The following ANGPTL2 variants were observed in gnomAD, a reference collection of about 807,000 sequenced individuals.
ANGPTL2 encodes angiopoietin-related protein 2.
Under a neutral mutation model 52.8 loss-of-function variants are expected in ANGPTL2, and 25 were observed. The observed-to-expected ratio is 0.47, with a 90% CI of 0.35 to 0.66. The LOEUF is 0.66. Among genes scored for constraint, ANGPTL2 ranks in the 30% least tolerant of loss-of-function variants. The probability of loss-of-function intolerance (pLI) is 0.01; values close to 1 mark genes in which losing one functional copy is unlikely to be tolerated. For synonymous variants in ANGPTL2, 276 were observed against 277.4 expected, an observed-to-expected ratio of 1.00 and a Z score of 0.05; for missense variants, 546 against 656.9, an observed-to-expected ratio of 0.83 and a Z score of 1.84.
In ANGPTL2 at chr9:127,122,215, A is replaced by G. The variant is rs1359445547; in HGVS notation, c.-50+100T>C. Reference sequence around the variant, plus strand: ...GTGACCCTCTGAGATCCAGCAGCACACACCCCCAGCTGGAGGGTCAGGGTT... The same window carrying G: ...GTGACCCTCTGAGATCCAGCAGCACGCACCCCCAGCTGGAGGGTCAGGGTT... On this transcript the variant is annotated intron_variant, in intron 1 of 4. Coordinates refer to ENST00000373425, the MANE Select transcript of ANGPTL2 (RefSeq NM_012098.3). The surrounding 1 kb of genome is among the most constrained non-coding windows in gnomAD (Gnocchi z 6.4). 1.3e-5 allele frequency: 2 copies of G among 152,192 alleles called. No homozygotes were observed. The highest frequency in any genetic ancestry group is 2.9e-5 in the Non-Finnish European group (2 of 68,114). 9.4% of individuals were successfully genotyped at this position (152,192 alleles called of 1,614,324 possible).
In ANGPTL2 at chr9:127,122,015, C is replaced by T. The variant is rs1316425080; in HGVS notation, c.-50+300G>A. On this transcript the variant is annotated intron_variant, in intron 1 of 4. Coordinates refer to ENST00000373425, the MANE Select transcript of ANGPTL2 (RefSeq NM_012098.3). The surrounding 1 kb of genome is among the most constrained non-coding windows in gnomAD (Gnocchi z 6.4). ...ACACGCACACTCCCAGCTGCTCTGC[C>T]GTGCCGGGAGCTGCCGGCCGGCACC... Among the ~76,000 whole-genome samples, 5 of 152,212 alleles carry T rather than the reference C, an allele frequency of 3.3e-5. No individual in the cohort carries two copies. The highest frequency in any genetic ancestry group is 9.6e-5 in the African/African-American group (4 of 41,460).
chr9:127,103,984 C>G (rs2053983732), intron 2 of ANGPTL2, among the ~76,000 whole-genome samples: 1 of 152,172 alleles, frequency 6.6e-6, no homozygotes, highest in Non-Finnish European at 1.5e-5. Flanking sequence ...GTTACTTGAC[C>G]TCTATGAACC....
At chr9:127,089,348 G>C (rs1484258611) in intron 4 of ANGPTL2, among the ~76,000 whole-genome samples, 15 of 152,194 alleles carry the variant, frequency 9.9e-5, no homozygotes, top group Non-Finnish European at 4.4e-5. Context: ...TGTGATCTCA[G>C]ACAAGTGACT....
chr9:127,093,998 G>A, intron 2 of ANGPTL2, 72 bp from the exon 3 acceptor site: 5 of 1,539,066 alleles, frequency 3.2e-6, no homozygotes, highest in Non-Finnish European at 4.4e-6. Flanking sequence ...TGCACCCCAA[G>A]CAGGCACAAC....
At chr9:127,096,086 C>G (rs1470610271) in intron 2 of ANGPTL2, among the ~76,000 whole-genome samples, 1 of 152,210 alleles carries the variant, frequency 6.6e-6, no homozygotes, top group African/African-American at 2.4e-5. Context: ...GCTCCCCACC[C>G]CAGGGTAGCA....
chr9:127,109,565 C>T (rs939390371), intron 1 of ANGPTL2, among the ~76,000 whole-genome samples: 24 of 152,230 alleles, frequency 1.6e-4, no homozygotes, highest in African/African-American at 5.5e-4. Flanking sequence ...GTCCTGACCA[C>T]TGCAACGTGA....
At chr9:127,097,463 T>G (rs1330771553) in intron 2 of ANGPTL2, among the ~76,000 whole-genome samples, 1 of 152,246 alleles carries the variant, frequency 6.6e-6, no homozygotes, top group East Asian at 1.9e-4. Flanking sequence ...ACAATTTCCC[T>G]TAGAACCCTT....
chr9:127,103,382 C>T (rs1282596057), intron 2 of ANGPTL2, among the ~76,000 whole-genome samples: 3 of 152,180 alleles, frequency 2.0e-5, no homozygotes, highest in African/African-American at 7.2e-5. Context: ...GGGACCTCCT[C>T]ATGTGGTCCC....
At chr9:127,095,173 C>T (rs2052972297) in intron 2 of ANGPTL2, among the ~76,000 whole-genome samples, 1 of 152,166 alleles carries the variant, frequency 6.6e-6, no homozygotes, top group African/African-American at 2.4e-5. Flanking sequence ...CTGAGGCAGG[C>T]AGATCACAAA....
At chr9:127,093,202 C>T (rs557550652) in intron 3 of ANGPTL2, among the ~76,000 whole-genome samples, 1 of 152,244 alleles carries the variant, frequency 6.6e-6, no homozygotes, top group South Asian at 2.1e-4. Flanking sequence ...GGCAACTTTC[C>T]CTGCTACACA....
chr9:127,117,060 T>A (rs1308473993), intron 1 of ANGPTL2, among the ~76,000 whole-genome samples: 1 of 152,222 alleles, frequency 6.6e-6, no homozygotes, highest in Non-Finnish European at 1.5e-5. Flanking sequence ...GCGTCCTGCT[T>A]AAAAACAGAC....
Position 127,091,608 on chromosome 9 carries a change from C to A in ANGPTL2, c.1282+62G>T. The A allele has an allele frequency of 6.4e-7, 1 of 1,566,302 alleles. No individual in the cohort carries two copies. ...CGTTTCCAAGCCCTGGAGTCAGGGGCTCTGGCTCTGGTTGACCTCTTTTCC... is the reference window on the plus strand; with the variant it reads ...CGTTTCCAAGCCCTGGAGTCAGGGGATCTGGCTCTGGTTGACCTCTTTTCC... On this transcript the variant is annotated intron_variant, in intron 4 of 4. Coordinates refer to ENST00000373425, the MANE Select transcript of ANGPTL2 (RefSeq NM_012098.3). This position sits in a 1 kb window ranked among gnomAD's most constrained non-coding sequence, Gnocchi z 4.3.
At chr9:127,116,331 T>C (rs1272212773) in intron 1 of ANGPTL2, among the ~76,000 whole-genome samples, 1 of 150,340 alleles carries the variant, frequency 6.7e-6, no homozygotes, top group Non-Finnish European at 1.5e-5. Context: ...GAGGGGGATG[T>C]GGTTAGGGAG....
rs147237909 is a variant in ANGPTL2, at chr9:127,093,822, C to T, written c.922G>A (p.Asp308Asn). 3.9e-4 allele frequency: 637 copies of T among 1,614,058 alleles called. No individual in the cohort carries two copies. The highest frequency in any genetic ancestry group is 4.9e-4 in the Non-Finnish European group (584 of 1,180,008). ...NTNRLMQVWC[D>N]QRHDPGGWTV... Reference sequence around the variant, plus strand: ...CAGCCCCCGGGGTCGTGTCTCTGGTCGCACCACACCTGCATGAGGCGGTTG... The same window carrying T: ...CAGCCCCCGGGGTCGTGTCTCTGGTTGCACCACACCTGCATGAGGCGGTTG... The change falls in exon 3 of 5, where the codon GAC (aspartate) becomes AAC (asparagine). Residue 308 changes from aspartate to asparagine, a missense_variant. Asp to Asn is a conservative substitution (Grantham distance 23, BLOSUM62 1). This residue lies in a region of ANGPTL2 where 261 missense variants were observed against 361.0 expected (regional missense o/e 0.72). Transcript: ENST00000373425.
At chr9:127,094,386 G>T (rs566953616) in intron 2 of ANGPTL2, among the ~76,000 whole-genome samples, 1 of 150,332 alleles carries the variant, frequency 6.7e-6, no homozygotes, top group Non-Finnish European at 1.5e-5. Flanking sequence ...TGATGGCTTT[G>T]CTTCTGCAAG....
At chr9:127,109,026 A>G (rs1003831701) in intron 1 of ANGPTL2, among the ~76,000 whole-genome samples, 1 of 152,192 alleles carries the variant, frequency 6.6e-6, no homozygotes, top group African/African-American at 2.4e-5. Context: ...GCAGGAGGCC[A>G]TGGCCCTGCT....
At chr9:127,106,692 C>T (rs923506071) in intron 2 of ANGPTL2, among the ~76,000 whole-genome samples, 3 of 152,194 alleles carry the variant, frequency 2.0e-5, no homozygotes, top group African/African-American at 7.2e-5. Context: ...GCAGTGGATG[C>T]TCACTTTGCA....
chr9:127,091,999 T>G lies in ANGPTL2; in HGVS notation c.1012-59A>C. 1.3e-6 allele frequency: 2 copies of G among 1,583,944 alleles called. No individual in the cohort carries two copies. The highest frequency in any genetic ancestry group is 3.4e-5 in the Admixed American group (2 of 58,300). ...CCTGCAGCACCTGCAGCCAGCAGGC[T>G]TGGCTGTCAGACACTCAGCCCTGGA... On this transcript the variant is annotated intron_variant, in intron 3 of 4. Coordinates refer to ENST00000373425, the MANE Select transcript of ANGPTL2 (RefSeq NM_012098.3). The surrounding 1 kb of genome is among the most constrained non-coding windows in gnomAD (Gnocchi z 4.3).
chr9:127,089,154 C>T lies in ANGPTL2; in HGVS notation c.1283-16G>A, dbSNP rs1250305716. 1.2e-5 allele frequency: 20 copies of T among 1,613,638 alleles called. No individual in the cohort carries two copies. Among genetic ancestry groups the T allele is most frequent in the Non-Finnish European group, 1.7e-5 (20 of 1,179,730 alleles). ...GCACAGTTTCCTGCAAGAGAGAAGG[C>T]AGTGAGAGGGTGTCTGGGAGGAGGC... On this transcript the variant is annotated splice_polypyrimidine_tract_variant and intron_variant, in intron 4 of 4. Coordinates refer to ENST00000373425, the MANE Select transcript of ANGPTL2 (RefSeq NM_012098.3).
Sources: gnomAD v4.1 joint callset for allele counts (sites outside exome capture counted in the v4.1 genomes callset) on GRCh38, gnomAD v4.1.1 for gene constraint, gnomAD v4.1.1 regional missense constraint, Gnocchi (gnomAD v3.1) non-coding constraint, MANE v1.5 for transcripts, NCBI Gene and HGNC (gene_info 2026-07-23, HGNC 2026-07-21) for gene names.